The following MSH3 variants were observed in gnomAD, a reference collection of about 807,000 sequenced individuals.
MSH3 encodes the protein mutS homolog 3.
A neutral mutation model predicts 123.3 loss-of-function variants in MSH3; 106 were observed. The ratio of observed to expected loss-of-function variants is 0.86; its 90% CI spans 0.73 to 1.01. The LOEUF (loss-of-function observed/expected upper bound fraction) is 1.01, where lower values mean the gene tolerates loss of function less well. Ranked by LOEUF, MSH3 falls within the 50% of genes least tolerant of loss-of-function variation. The pLI, the probability that MSH3 is intolerant of heterozygous loss-of-function variation, is 0.00. For missense variants in MSH3, 1,459 were observed against 1,347.6 expected (o/e 1.08, Z -1.29); for synonymous variants, 515 against 481.4 (o/e 1.07, Z -0.91).
chr5:80,851,834 T>A (rs1352304453), intron 20 of MSH3, among the ~76,000 whole-genome samples: 1 of 152,194 alleles, frequency 6.6e-6, no homozygotes, highest in Non-Finnish European at 1.5e-5. Flanking sequence ...CATTGACTGG[T>A]AGTTCATCCT....
chr5:80,711,551 A>G lies in MSH3; in HGVS notation c.1341-13902A>G, dbSNP rs142548461. 3.7e-4 allele frequency among the ~76,000 whole-genome samples: 57 copies of G among 152,330 alleles called. No individual in the cohort carries two copies. In the Middle Eastern group the frequency reaches 0.01, roughly 27 times the overall value. On this transcript the variant is annotated intron_variant, in intron 8 of 23. Transcript: ENST00000265081. ...GTTCACTGTTGGCCATGTGGACTTC[A>G]GTAGGGGCTGCCATCCTTCTAAGAA...
intron 19 of MSH3, among the ~76,000 whole-genome samples, chr5:80,810,043 C>T (rs1744977842): frequency 6.6e-6 from 1 of 151,698 alleles, no homozygotes; most frequent in African/African-American, 2.4e-5. Context: ...ATTGCAGATA[C>T]AGCTAAGGTC....
In MSH3 at chr5:80,744,499, T is replaced by G. The variant is rs1379589847; in HGVS notation, c.1654-7T>G. On this transcript the variant is annotated splice_polypyrimidine_tract_variant and splice_region_variant and intron_variant, in intron 11 of 23. Transcript: ENST00000265081. Reference sequence around the variant, plus strand: ...GTTAATAAAACTTGTTTTCTGGTCTTTCTTAGACTGATATGAAAACCAAAG... The same window carrying G: ...GTTAATAAAACTTGTTTTCTGGTCTGTCTTAGACTGATATGAAAACCAAAG... The G allele has an allele frequency of 1.2e-6, 2 of 1,604,970 alleles. No homozygotes were observed. The highest frequency in any genetic ancestry group is 2.7e-5 in the African/African-American group (2 of 74,792).
chr5:80,837,975 C>T (rs1745546828), intron 20 of MSH3, among the ~76,000 whole-genome samples: 1 of 152,228 alleles, frequency 6.6e-6, no homozygotes, highest in African/African-American at 2.4e-5. Context: ...CTGCTCTCAG[C>T]TCCTAGAGGA....
At chr5:80,687,001 T>G (rs1387733734) in intron 8 of MSH3, among the ~76,000 whole-genome samples, 2 of 152,202 alleles carry the variant, frequency 1.3e-5, no homozygotes, top group African/African-American at 4.8e-5. Context: ...AATTACTGTT[T>G]AATGGTTACT....
intron 3 of MSH3, among the ~76,000 whole-genome samples, chr5:80,665,745 G>GT (rs1749555104): frequency 6.6e-6 from 1 of 152,130 alleles, no homozygotes; most frequent in East Asian, 1.9e-4. Context: ...ATATTTTGAG[G>GT]TTTCAGTTGA....
At chr5:80,655,194 A>C in intron 1 of MSH3, 1 of 389,750 alleles carries the variant, frequency 2.6e-6, no homozygotes. Context: ...CAGGTTTTTA[A>C]TGGCAGGCCT....
chr5:80,833,312 A>G (rs1745451170), intron 20 of MSH3, among the ~76,000 whole-genome samples: 1 of 152,218 alleles, frequency 6.6e-6, no homozygotes, highest in Non-Finnish European at 1.5e-5. Flanking sequence ...GACTGTAAAT[A>G]CAGACAGCTT....
chr5:80,838,612 G>T (rs1156993392), intron 20 of MSH3, among the ~76,000 whole-genome samples: 1 of 152,036 alleles, frequency 6.6e-6, no homozygotes, highest in Non-Finnish European at 1.5e-5. Flanking sequence ...TAATCTAATG[G>T]ACTTTTTGCT....
intron 8 of MSH3, among the ~76,000 whole-genome samples, chr5:80,684,488 A>G (rs902675254): frequency 2.0e-5 from 3 of 152,132 alleles, no homozygotes; most frequent in African/African-American, 7.2e-5. Flanking sequence ...CACTGTTAGC[A>G]TATAGAAATG....
At chr5:80,722,725 T>G (rs1751107492) in intron 8 of MSH3, among the ~76,000 whole-genome samples, 1 of 152,214 alleles carries the variant, frequency 6.6e-6, no homozygotes, top group Non-Finnish European at 1.5e-5. Context: ...TAGACATGAA[T>G]AGAAGAATAT....
chr5:80,817,299 G>A (rs148462644), intron 20 of MSH3, among the ~76,000 whole-genome samples: 2 of 152,292 alleles, frequency 1.3e-5, no homozygotes, highest in East Asian at 3.9e-4. Context: ...TTTGGTCTTA[G>A]CAAAATAGCT....
At chr5:80,704,097 G>C (rs1366296678) in intron 8 of MSH3, among the ~76,000 whole-genome samples, 1 of 152,136 alleles carries the variant, frequency 6.6e-6, no homozygotes, top group Non-Finnish European at 1.5e-5. Context: ...CCTGATCTCA[G>C]TGGGGCTCCC....
At chr5:80,695,087 G>GTTTTTTTTTTTTTTT (rs57947652) in intron 8 of MSH3, among the ~76,000 whole-genome samples, 4 of 115,328 alleles carry the variant, frequency 3.5e-5, no homozygotes, top group Non-Finnish European at 5.6e-5. Flanking sequence ...TTTTTTTGTT[G>GTTTTTTTTTTTTTTT]TTTTTTTTTT....
chr5:80,814,636 C>G lies in MSH3; in HGVS notation c.2813+895C>G, dbSNP rs535838120. On this transcript the variant is annotated intron_variant, in intron 20 of 23. Coordinates refer to ENST00000265081, the MANE Select transcript of MSH3 (RefSeq NM_002439.5). ...ATTTAAGCAGATAAAAACAGATCTG[C>G]TCTGTCTTCTGGGGTAGAAGGCTTG... Among the ~76,000 whole-genome samples, 6 of 152,296 alleles carry G rather than the reference C, an allele frequency of 3.9e-5. No homozygotes were observed. In the East Asian group the frequency reaches 9.6e-4, roughly 24 times the overall value.
At chr5:80,802,949 C>G (rs568808927) in intron 19 of MSH3, among the ~76,000 whole-genome samples, 1 of 151,980 alleles carries the variant, frequency 6.6e-6, no homozygotes, top group Non-Finnish European at 1.5e-5. Flanking sequence ...TGTAGTGTAC[C>G]ACATTTTCTT....
chr5:80,789,339 A>G (rs1027399676), intron 18 of MSH3, among the ~76,000 whole-genome samples: 2 of 151,778 alleles, frequency 1.3e-5, no homozygotes, highest in South Asian at 2.1e-4. Flanking sequence ...GATGATTTCA[A>G]AGTATTTACT....
chr5:80,833,317 C>T (rs568472203), intron 20 of MSH3, among the ~76,000 whole-genome samples: 2 of 152,164 alleles, frequency 1.3e-5, no homozygotes, highest in African/African-American at 4.8e-5. Flanking sequence ...TAAATACAGA[C>T]AGCTTGATAA....
At chr5:80,775,822 A>G (rs146911220) in intron 16 of MSH3, 64 bp downstream of exon 16, 11 of 869,588 alleles carry the variant, frequency 1.3e-5, no homozygotes, top group Non-Finnish European at 2.2e-5. Context: ...TCTATGTGCT[A>G]CTGGGCTCAT....
Sources: gnomAD v4.1 joint callset for allele counts (sites outside exome capture counted in the v4.1 genomes callset) on GRCh38, gnomAD v4.1.1 for gene constraint, MANE v1.5 for transcripts, NCBI Gene and HGNC (gene_info 2026-07-23, HGNC 2026-07-21) for gene names.